COL12A1: variants seen among roughly 807,000 people sequenced by gnomAD.
COL12A1 encodes collagen alpha-1(XII) chain.
Under a neutral mutation model 349.7 loss-of-function variants are expected in COL12A1, and 114 were observed. The observed-to-expected ratio is 0.33, with a 90% CI of 0.28 to 0.38. The LOEUF is 0.38. COL12A1 is among the 10% of genes least tolerant of loss of function. The pLI is 1.00. For missense variants in COL12A1, 3,284 were observed against 3,756.9 expected (o/e 0.87, Z 3.29); for synonymous variants, 1,369 against 1,329.0 (o/e 1.03, Z -0.66).
At chr6:75,141,881 C>CA (rs1766908253) in intron 27 of COL12A1, 151 bp downstream of exon 27, 4 of 949,186 alleles carry the variant, frequency 4.2e-6, no homozygotes, top group Admixed American at 5.5e-5. Flanking sequence ...CACCTTGTTA[C>CA]AAAAAAATAA....
Position 75,123,984 on chromosome 6 carries a change from G to T in COL12A1, c.6835C>A (p.Leu2279Ile). Reference sequence around the variant, plus strand: ...TTAACAGAGACTCCTGGTCCCTCGAGATTTGGTGTCTGCACAAAAACAGTG... The same window carrying T: ...TTAACAGAGACTCCTGGTCCCTCGATATTTGGTGTCTGCACAAAAACAGTG... ...GVTVFVQTPN[L>I]EGPGVSVKEH... Residue 2279 changes from leucine (L) to isoleucine (I), a missense_variant, in exon 42 of 66, where the codon CTC (leucine) becomes ATC (isoleucine). Transcript: ENST00000322507. 1 of 1,613,660 alleles carries T rather than the reference G, an allele frequency of 6.2e-7. No individual in the cohort carries two copies. The highest frequency in any genetic ancestry group is 8.5e-7 in the Non-Finnish European group (1 of 1,179,678).
chr6:75,133,492 A>G lies in COL12A1; in HGVS notation c.5665-70T>C, dbSNP rs1766418043. 19 of 1,461,320 alleles carry G rather than the reference A, an allele frequency of 1.3e-5. No individual in the cohort carries two copies. The East Asian group carries it at 4.2e-4, about 33-fold the overall frequency. 90.5% of individuals were successfully genotyped at this position (1,461,320 alleles called of 1,614,324 possible). ...TGAAAGAAATAATAATTCAAATAACACAATACCAACTCAAGACCAAGTCAA... is the reference window on the plus strand; with the variant it reads ...TGAAAGAAATAATAATTCAAATAACGCAATACCAACTCAAGACCAAGTCAA... On this transcript the variant is annotated intron_variant, in intron 33 of 65. Transcript: ENST00000322507.
chr6:75,093,800 C>A (rs1160239608), intron 60 of COL12A1, among the ~76,000 whole-genome samples: 1 of 151,930 alleles, frequency 6.6e-6, no homozygotes, highest in Non-Finnish European at 1.5e-5. Flanking sequence ...ATCTTTATTG[C>A]CGATATTTAG....
chr6:75,198,652 G>A (rs1006619511), intron 2 of COL12A1, among the ~76,000 whole-genome samples: 1 of 151,950 alleles, frequency 6.6e-6, no homozygotes, highest in Non-Finnish European at 1.5e-5. Flanking sequence ...ATTTTTAATA[G>A]GGCACCCAAA....
chr6:75,117,580 T>C (rs779762169), intron 46 of COL12A1, 34 bp from the exon 47 acceptor site: 2 of 1,596,660 alleles, frequency 1.3e-6, no homozygotes, highest in East Asian at 4.5e-5. Flanking sequence ...GAATCACGTA[T>C]CTCTTTTTCT....
rs1376876667 is a variant in COL12A1, at chr6:75,189,282, G to A, written c.758C>T (p.Ser253Phe). The A allele has an allele frequency of 6.2e-7, 1 of 1,612,896 alleles. No individual in the cohort carries two copies. Among genetic ancestry groups the A allele is most frequent in the Non-Finnish European group, 8.5e-7 (1 of 1,179,436 alleles). The change falls in exon 7 of 66, where the codon TCC (serine) becomes TTC (phenylalanine). Residue 253 changes from serine to phenylalanine, a missense_variant. Ser to Phe is a radical substitution (Grantham distance 155). Transcript: ENST00000322507. ...KVAIIITDGK[S>F]QDEVEIPARE... The stretch of plus-strand genomic sequence containing the variant: ...TGCTGGAATTTCCACTTCATCCTGG[G>A]ATTTTCCATCCGTAATAATAATTGC...
At chr6:75,193,360 C>T (rs1423388800) in intron 3 of COL12A1, among the ~76,000 whole-genome samples, 1 of 151,824 alleles carries the variant, frequency 6.6e-6, no homozygotes, top group Non-Finnish European at 1.5e-5. Flanking sequence ...AATTTTTTAC[C>T]CCTTTTTAAG....
Position 75,137,633 on chromosome 6 carries a change from T to TA in COL12A1, c.5252-55dup, listed in dbSNP as rs1311029987. ...AAGCAGACAGAACAATGCCTCCCCC[T>TA]AAAATATATACAGCTCCCAAGGCAA... is the stretch of plus-strand genomic sequence containing the variant. On this transcript the variant is annotated intron_variant, in intron 30 of 65. Coordinates refer to ENST00000322507, the MANE Select transcript of COL12A1 (RefSeq NM_004370.6). 4.4e-6 allele frequency: 7 copies of TA among 1,589,270 alleles called. No homozygotes were observed. In the Admixed American group the frequency reaches 6.8e-5, roughly 15 times the overall value.
intron 11 of COL12A1, among the ~76,000 whole-genome samples, chr6:75,180,080 G>A (rs987663871): frequency 2.6e-5 from 4 of 152,214 alleles, no homozygotes; most frequent in Non-Finnish European, 5.9e-5. Flanking sequence ...AGAATCATTT[G>A]AGCCTAGGAT....
chr6:75,115,966 T>C, intron 48 of COL12A1, 44 bp from the exon 49 acceptor site: 2 of 1,612,386 alleles, frequency 1.2e-6, no homozygotes, highest in Non-Finnish European at 1.7e-6. Context: ...ACATTTTAAT[T>C]ATTTTATTGC....
rs749287034 is a variant in COL12A1, at chr6:75,155,733, C to G, written c.3372G>C (p.Thr1124=). Residue 1124 remains threonine (T), a synonymous_variant, in exon 16 of 66, where the codon ACG becomes ACC. Transcript: ENST00000322507. ...VKGYKVTFHP[T]GDDRRLGELV... is the part of the protein sequence containing the mutation. ...ACTCCCCCAGTCTTCTGTCATCCCC[C>G]GTAGGGTGGAATGTGACTTTATAAC... 13 of 1,613,298 alleles carry G rather than the reference C, an allele frequency of 8.1e-6. No individual in the cohort carries two copies. The South Asian group carries it at 1.4e-4, about 18-fold the overall frequency.
At chr6:75,148,222 GAA>G in intron 22 of COL12A1, 134 bp downstream of exon 22, 11 of 752,740 alleles carry the variant, frequency 1.5e-5, no homozygotes, top group South Asian at 3.1e-5. Context: ...GTCAAGAATA[GAA>G]AGCACTATTC....
rs145402578 is a variant in COL12A1, at chr6:75,128,110, AACAAATTCCTTTC to A, written c.6340+173_6340+185del. On this transcript the variant is annotated intron_variant, in intron 38 of 65. Transcript: ENST00000322507. Reference sequence around the variant, plus strand: ...CTTAGTGGACCTTTAAAAAGTTAAAAACAAATTCCTTTCACATGTCATCATTTTGACAAAATTT... The same window carrying A: ...CTTAGTGGACCTTTAAAAAGTTAAAAACATGTCATCATTTTGACAAAATTT... Among the ~76,000 whole-genome samples the A allele has an allele frequency of 5.6e-3, 853 of 152,332 alleles. 9 individuals carry two copies. Among genetic ancestry groups the A allele is most frequent in the Middle Eastern group, 0.024 (7 of 294 alleles).
At chr6:75,188,830 C>A (rs565805539) in intron 7 of COL12A1, among the ~76,000 whole-genome samples, 1 of 152,096 alleles carries the variant, frequency 6.6e-6, no homozygotes, top group Non-Finnish European at 1.5e-5. Flanking sequence ...AAAGATAATA[C>A]TTTTTTCTTC....
At chr6:75,176,507 G>A (rs1024812057) in intron 12 of COL12A1, among the ~76,000 whole-genome samples, 1 of 151,920 alleles carries the variant, frequency 6.6e-6, no homozygotes, top group Non-Finnish European at 1.5e-5. Context: ...GTAGGAGTGG[G>A]GAGAGTGATG....
intron 9 of COL12A1, 34 bp from the exon 10 acceptor site, chr6:75,183,686 T>C (rs1769453822): frequency 6.4e-7 from 1 of 1,562,870 alleles, no homozygotes; most frequent in South Asian, 1.2e-5. Flanking sequence ...TAAACTTCAA[T>C]ACATATTAAT....
At chr6:75,138,695 G>A in intron 28 of COL12A1, 115 bp from the exon 29 acceptor site, 1 of 1,547,466 alleles carries the variant, frequency 6.5e-7, no homozygotes, top group Non-Finnish European at 8.8e-7. Flanking sequence ...CTGCTCTGAT[G>A]CATGTCATGA....
intron 15 of COL12A1, 79 bp from the exon 16 acceptor site, chr6:75,155,933 A>G: frequency 7.1e-7 from 1 of 1,404,256 alleles, no homozygotes. Context: ...CCCCACAAAA[A>G]TGCATATCCA....
chr6:75,192,099 T>G (rs1236805157), intron 4 of COL12A1, 113 bp downstream of exon 4: 66 of 785,816 alleles, frequency 8.4e-5, no homozygotes, highest in Non-Finnish European at 1.2e-4. Flanking sequence ...CAGAAAAAAA[T>G]AGTTAGTACT....
Sources: allele counts gnomAD v4.1 joint callset (sites outside exome capture counted in the v4.1 genomes callset), GRCh38; gene constraint gnomAD v4.1.1; transcripts MANE v1.5; gene names NCBI Gene and HGNC (gene_info 2026-07-23, HGNC 2026-07-21).